Variants in CEBPZ observed in about 807,000 individuals in gnomAD.
CEBPZ encodes the protein CCAAT enhancer binding protein zeta.
A neutral mutation model predicts 104.5 loss-of-function variants in CEBPZ; 78 were observed. That is an observed-to-expected ratio of 0.75 (90% confidence interval 0.62 to 0.90). CEBPZ has a LOEUF of 0.90. Among genes scored for constraint, CEBPZ ranks in the 40% least tolerant of loss-of-function variants. The pLI is 0.00. For synonymous variants in CEBPZ, 470 were observed against 427.0 expected, an observed-to-expected ratio of 1.10 and a Z score of -1.24; for missense variants, 1,439 against 1,233.5, an observed-to-expected ratio of 1.17 and a Z score of -2.50.
chr2:37,215,226 G>A (rs545992233), intron 8 of CEBPZ: 15 of 263,966 alleles, frequency 5.7e-5, no homozygotes, highest in African/African-American at 2.6e-4. Context: ...TTCTCTTACT[G>A]TTCTTCATTT....
intron 5 of CEBPZ, among the ~76,000 whole-genome samples, chr2:37,218,809 T>C (rs894809415): frequency 6.6e-6 from 1 of 152,092 alleles, no homozygotes; most frequent in African/African-American, 2.4e-5. Flanking sequence ...GAGGTAGAGG[T>C]TGCAGTGAGC....
intron 5 of CEBPZ, among the ~76,000 whole-genome samples, chr2:37,219,470 T>C (rs575427944): frequency 3.3e-5 from 5 of 152,242 alleles, no homozygotes; most frequent in Admixed American, 6.5e-5. Context: ...AGCTTGGTGC[T>C]GTCTTTATTC....
At chr2:37,206,787 A>G (rs113238580) in intron 13 of CEBPZ, among the ~76,000 whole-genome samples, 260 of 152,358 alleles carry the variant, frequency 1.7e-3, no homozygotes, top group Admixed American at 4.8e-3. Flanking sequence ...AGCAACAACT[A>G]GCATGATGAA....
chr2:37,212,356 T>C lies in CEBPZ; in HGVS notation c.2582A>G (p.Lys861Arg), dbSNP rs1275435034. The C allele has an allele frequency of 2.5e-6, 4 of 1,613,636 alleles. No individual in the cohort carries two copies. Among genetic ancestry groups the C allele is most frequent in the Non-Finnish European group, 3.4e-6 (4 of 1,179,772 alleles). Reference protein sequence around the residue: ...FEDDNCFSSGKDDMDFAGNVK... With the variant: ...FEDDNCFSSGRDDMDFAGNVK... ...TTACCCAGCAAAATCCATATCATCCTTTCCAGAGCTGAAACAGTTATCATC... is the reference window on the plus strand; with the variant it reads ...TTACCCAGCAAAATCCATATCATCCCTTCCAGAGCTGAAACAGTTATCATC... The change falls in exon 11 of 16, where the codon AAG (lysine) becomes AGG (arginine). Residue 861 changes from lysine to arginine, a missense_variant. Lys to Arg is a conservative substitution (Grantham distance 26). Transcript: ENST00000234170.
At chr2:37,218,484 T>C (rs1197944281) in intron 5 of CEBPZ, among the ~76,000 whole-genome samples, 1 of 152,240 alleles carries the variant, frequency 6.6e-6, no homozygotes, top group African/African-American at 2.4e-5. Flanking sequence ...TTTTCTTCTT[T>C]AGTACTATAC....
At chr2:37,203,256 C>T (rs1677368359) in intron 13 of CEBPZ, 2 of 280,804 alleles carry the variant, frequency 7.1e-6, no homozygotes, top group Non-Finnish European at 6.6e-6. Flanking sequence ...TCAGATTTGG[C>T]CACTGATCGA....
chr2:37,213,537 G>A (rs150195823), intron 10 of CEBPZ: 105 of 175,512 alleles, frequency 6.0e-4, no homozygotes, highest in African/African-American at 1.8e-3. Flanking sequence ...TCTGCTTCTC[G>A]AGTAGCTGGG....
chr2:37,217,057 T>A lies in CEBPZ; in HGVS notation c.2155-20A>T, dbSNP rs1664614205. ...AGATAACTAAAAAGAAAAATGTGAA[T>A]AATATCAATATTTCTAAGGTCGACT... On this transcript the variant is annotated intron_variant, in intron 5 of 15. Coordinates refer to ENST00000234170, the MANE Select transcript of CEBPZ (RefSeq NM_005760.3). The A allele has an allele frequency of 1.9e-6, 3 of 1,596,064 alleles. No individual in the cohort carries two copies. Among genetic ancestry groups the A allele is most frequent in the African/African-American group, 2.7e-5 (2 of 74,622 alleles).
intron 13 of CEBPZ, among the ~76,000 whole-genome samples, chr2:37,205,371 C>T (rs566112078): frequency 6.6e-6 from 1 of 152,192 alleles, no homozygotes; most frequent in Non-Finnish European, 1.5e-5. Context: ...ATGACATTAT[C>T]TTGTGAAATT....
intron 2 of CEBPZ, among the ~76,000 whole-genome samples, chr2:37,224,117 T>C (rs2148360430): frequency 6.6e-6 from 1 of 152,366 alleles, no homozygotes; most frequent in East Asian, 1.9e-4. Context: ...GGATTATGCC[T>C]GTTATTCACT....
At chr2:37,207,976 G>A (rs2888444) in intron 13 of CEBPZ, among the ~76,000 whole-genome samples, 29,164 of 151,962 alleles carry the variant, frequency 0.19, 2,916 homozygotes, top group South Asian at 0.29. Context: ...TACTACAACC[G>A]ATACCACAGA....
chr2:37,205,293 G>A (rs146703666), intron 13 of CEBPZ, among the ~76,000 whole-genome samples: 3 of 152,226 alleles, frequency 2.0e-5, no homozygotes, highest in African/African-American at 7.2e-5. Context: ...CCAGATGGTC[G>A]GTTCCTGCCT....
At chr2:37,214,038 C>T in intron 9 of CEBPZ, 77 bp from the exon 10 acceptor site, 2 of 702,322 alleles carry the variant, frequency 2.8e-6, no homozygotes, top group South Asian at 5.1e-5. Context: ...GCACCTATGA[C>T]CAGTGGCAAA....
intron 13 of CEBPZ, chr2:37,210,201 T>C (rs988989220): frequency 6.6e-6 from 1 of 152,222 alleles, no homozygotes; most frequent in Non-Finnish European, 1.5e-5. Flanking sequence ...GTACAACCAC[T>C]ATGGTAAACA....
rs1664926654 is a variant in CEBPZ, at chr2:37,227,791, A to T, written c.1402T>A (p.Phe468Ile). The change falls in exon 2 of 16, where the codon TTT (phenylalanine) becomes ATT (isoleucine). Residue 468 changes from phenylalanine to isoleucine, a missense_variant. Transcript: ENST00000234170. ...ANKLITVYFC[F>I]FRTCVKKKDV... is the part of the protein sequence containing the mutation. ...TTTTTTTTGACACAAGTCCGAAAAAAGCAAAAGTAAACAGTTATTAATTTG... is the reference window on the plus strand; with the variant it reads ...TTTTTTTTGACACAAGTCCGAAAAATGCAAAAGTAAACAGTTATTAATTTG... 4 of 1,613,970 alleles carry T rather than the reference A, an allele frequency of 2.5e-6. No homozygotes were observed. In the East Asian group the frequency reaches 8.9e-5, roughly 36 times the overall value.
At chr2:37,205,305 A>C (rs1400232889) in intron 13 of CEBPZ, among the ~76,000 whole-genome samples, 3 of 152,132 alleles carry the variant, frequency 2.0e-5, no homozygotes, top group East Asian at 1.9e-4. Context: ...TTCCTGCCTT[A>C]ACTGATGACA....
rs1664916614 is a variant in CEBPZ at position 37,227,529 on chromosome 2, AG to A, written c.1649+14del. Reference sequence around the variant, plus strand: ...TTATTATTTCATGTCTCATATTGGAAGGGTATGTTCTTACCTGTATAATGCT... The same window carrying A: ...TTATTATTTCATGTCTCATATTGGAAGGTATGTTCTTACCTGTATAATGCT... On this transcript the variant is annotated intron_variant, in intron 2 of 15. Coordinates refer to ENST00000234170, the MANE Select transcript of CEBPZ (RefSeq NM_005760.3). 6.4e-7 allele frequency: 1 copy of A among 1,571,098 alleles called. No homozygotes were observed. The highest frequency in any genetic ancestry group is 8.6e-7 in the Non-Finnish European group (1 of 1,159,976).
rs183052455 is a variant in CEBPZ at position 37,207,838 on chromosome 2, C to T, written c.2884+3161G>A. Among the ~76,000 whole-genome samples, 580 of 151,922 alleles carry T rather than the reference C, an allele frequency of 3.8e-3. 6 individuals are homozygous for T. Among genetic ancestry groups the T allele is most frequent in the South Asian group, 9.6e-3 (46 of 4,814 alleles). On this transcript the variant is annotated intron_variant, in intron 13 of 15. Coordinates refer to ENST00000234170, the MANE Select transcript of CEBPZ (RefSeq NM_005760.3). Reference sequence around the variant, plus strand: ...CTAAATAAAACTGAAGCAAACACTACAAAAGATAAATGAAACAAAAAGCTG... The same window carrying T: ...CTAAATAAAACTGAAGCAAACACTATAAAAGATAAATGAAACAAAAAGCTG...
In CEBPZ at chr2:37,215,306, A is replaced by T. The variant is rs529355068; in HGVS notation, c.2381-354T>A. The stretch of plus-strand genomic sequence containing the variant: ...TTATTTTAATAAATAATCACTTTAA[A>T]CTTGTCATTTTCAGCTCAAAAAATG... On this transcript the variant is annotated intron_variant, in intron 8 of 15. Transcript: ENST00000234170. 1.0e-4 allele frequency: 17 copies of T among 163,062 alleles called. No individual in the cohort carries two copies. The East Asian group carries it at 2.9e-3, about 28-fold the overall frequency. The allele number at this position is 163,062 out of a possible 1,614,324, so 10.1% of individuals were successfully genotyped here. A position where few individuals can be genotyped will look rare whatever the true frequency, so the allele number is the denominator to read the frequency against.
Sources: allele counts gnomAD v4.1 joint callset (sites outside exome capture counted in the v4.1 genomes callset), GRCh38; gene constraint gnomAD v4.1.1; transcripts MANE v1.5; gene names NCBI Gene and HGNC (gene_info 2026-07-23, HGNC 2026-07-21).